Variants in ARHGEF9 observed in about 807,000 individuals in gnomAD.
The protein encoded by ARHGEF9 is rho guanine nucleotide exchange factor 9.
ARHGEF9 carries 2 observed loss-of-function variants against 41.3 expected under a neutral mutation model. The observed-to-expected ratio is 0.05, with a 90% CI of 0.02 to 0.15. ARHGEF9 has a LOEUF of 0.15. Ranked by LOEUF, ARHGEF9 falls within the 10% of genes least tolerant of loss-of-function variation. The pLI is 1.00. For synonymous variants in ARHGEF9, 160 were observed against 154.4 expected, an observed-to-expected ratio of 1.04 and a Z score of -0.27; for missense variants, 225 against 424.7, an observed-to-expected ratio of 0.53 and a Z score of 4.13.
At chrX:63,698,165 A>T (rs2051908629) in intron 3 of ARHGEF9, among the ~76,000 whole-genome samples, 2 of 107,094 alleles carry the variant, frequency 1.9e-5, no homozygotes, top group African/African-American at 6.7e-5. Flanking sequence ...TTTATAAATA[A>T]ATGTGTCCTA....
chrX:63,760,032 C>T (rs782207568), intron 1 of ARHGEF9, among the ~76,000 whole-genome samples: 1 of 111,120 alleles, frequency 9.0e-6, no homozygotes, highest in African/African-American at 3.3e-5. Context: ...TTCATCTGGG[C>T]CTCAGTGGCC....
At chrX:63,713,068 G>A (rs1602521589) in intron 2 of ARHGEF9, 2 of 111,642 alleles carry the variant, frequency 1.8e-5, no homozygotes, top group African/African-American at 6.5e-5. Flanking sequence ...CTCAAGGAGT[G>A]TCTTAGAAAG....
At chrX:63,693,042 G>C (rs1333118289) in intron 4 of ARHGEF9, among the ~76,000 whole-genome samples, 1 of 111,498 alleles carries the variant, frequency 9.0e-6, no homozygotes, top group Non-Finnish European at 1.9e-5. Flanking sequence ...TATAGTAGTA[G>C]TTACCAGAAG....
intron 1 of ARHGEF9, among the ~76,000 whole-genome samples, chrX:63,738,762 C>T (rs2054767636): frequency 9.0e-6 from 1 of 111,555 alleles, no homozygotes; most frequent in South Asian, 3.7e-4. Context: ...AAGAGAGACA[C>T]AAAAGCCCTT....
rs373866956 is a variant in ARHGEF9 at position 63,706,309 on chromosome X, C to T, written c.351G>A (p.Glu117=). The change falls in exon 3 of 10, where the codon GAG becomes GAA. Residue 117 remains glutamate (E), a synonymous_variant. Transcript: ENST00000671741. ...RDQMRANVIN[E]IMSTERHYIK... is the part of the protein sequence containing the mutation. Reference sequence around the variant, plus strand: ...TGTAGTGACGCTCAGTGCTCATTATCTCATTGATGACATTGGCCCGCATCT... The same window carrying T: ...TGTAGTGACGCTCAGTGCTCATTATTTCATTGATGACATTGGCCCGCATCT... 46 of 1,204,439 alleles carry T rather than the reference C, an allele frequency of 3.8e-5. No individual in the cohort carries two copies. The East Asian group carries it at 6.3e-4, about 16-fold the overall frequency.
At chrX:63,772,372 C>A (rs1556455421) in intron 1 of ARHGEF9, among the ~76,000 whole-genome samples, 1 of 111,919 alleles carries the variant, frequency 8.9e-6, no homozygotes. Flanking sequence ...TCTACAGGGC[C>A]TGCAAAAGTC....
At chrX:63,694,199 T>A (rs1393471008) in intron 4 of ARHGEF9, among the ~76,000 whole-genome samples, 3 of 108,323 alleles carry the variant, frequency 2.8e-5, no homozygotes, top group African/African-American at 6.7e-5. Flanking sequence ...AAAAAAAAAA[T>A]ACTGATAATA....
chrX:63,693,137 G>A (rs1556383523), intron 4 of ARHGEF9, among the ~76,000 whole-genome samples: 1 of 111,745 alleles, frequency 8.9e-6, no homozygotes, highest in East Asian at 2.8e-4. Flanking sequence ...ATAAGTTCTA[G>A]TGTTTGATAT....
chrX:63,650,436 A>G, intron 8 of ARHGEF9, among the ~76,000 whole-genome samples: 1 of 111,301 alleles, frequency 9.0e-6, no homozygotes, highest in African/African-American at 3.3e-5. Context: ...TCCCTCATAC[A>G]TGGGAGCTGA....
intron 1 of ARHGEF9, among the ~76,000 whole-genome samples, chrX:63,777,355 G>A (rs1374720532): frequency 9.0e-6 from 1 of 111,274 alleles, no homozygotes; most frequent in East Asian, 2.8e-4. Flanking sequence ...ACCTCCCCAG[G>A]TCCCTTCCAT....
Position 63,636,316 on chromosome X carries a change from AC to A in ARHGEF9, c.*1711del, listed in dbSNP as rs1450731198. ...GCAGAGTTCATCCTTATTCCCTTATACCCTTTTTGTTGTTCAAGGTCTATCC... is the reference window on the plus strand; with the variant it reads ...GCAGAGTTCATCCTTATTCCCTTATACCTTTTTGTTGTTCAAGGTCTATCC... On this transcript the variant is annotated 3_prime_UTR_variant, in exon 10 of 10. Coordinates refer to ENST00000671741, the MANE Select transcript of ARHGEF9 (RefSeq NM_001353921.2). 2 of 111,033 alleles carry A rather than the reference AC, an allele frequency of 1.8e-5. No homozygotes were observed. Among genetic ancestry groups the A allele is most frequent in the African/African-American group, 6.6e-5 (2 of 30,444 alleles). The allele number at this position is 111,033 out of a possible 1,213,427, so 9.2% of individuals were successfully genotyped here. A position where few individuals can be genotyped will look rare whatever the true frequency, so the allele number is the denominator to read the frequency against.
At chrX:63,645,686 C>T in intron 8 of ARHGEF9, among the ~76,000 whole-genome samples, 1 of 111,899 alleles carries the variant, frequency 8.9e-6, no homozygotes, top group East Asian at 2.8e-4. Context: ...CCGCAATAAA[C>T]ATACGTGTGC....
intron 1 of ARHGEF9, among the ~76,000 whole-genome samples, chrX:63,729,300 A>G (rs1478715614): frequency 9.0e-6 from 1 of 111,362 alleles, no homozygotes; most frequent in African/African-American, 3.3e-5. Context: ...AAAAAGTGCT[A>G]AGGCCAGAAG....
chrX:63,768,495 C>T (rs1556452883), intron 1 of ARHGEF9, among the ~76,000 whole-genome samples: 1 of 111,893 alleles, frequency 8.9e-6, no homozygotes, highest in African/African-American at 3.3e-5. Context: ...GGGCAGATAC[C>T]CAGTAGTGAG....
rs1556365224 is a variant in ARHGEF9, at chrX:63,678,429, G to A, written c.726C>T (p.Ile242=). The stretch of plus-strand genomic sequence containing the variant: ...GCACTGGAGTCAAAAGGAAACCATC[G>A]ATAGCAATGTCAATCATCTGCTGCA... The part of the protein sequence containing the change: ...RLLQQMIDIA[I]DGFLLTPVQK... Residue 242 remains isoleucine, a synonymous_variant, in exon 5 of 10, where the codon ATC becomes ATT. Coordinates refer to ENST00000671741, the MANE Select transcript of ARHGEF9 (RefSeq NM_001353921.2). The A allele has an allele frequency of 5.8e-6, 7 of 1,206,559 alleles. No homozygotes were observed. Among genetic ancestry groups the A allele is most frequent in the South Asian group, 1.8e-5 (1 of 55,850 alleles).
chrX:63,640,961 G>C (rs2047590168), intron 9 of ARHGEF9: 1 of 111,645 alleles, frequency 9.0e-6, no homozygotes. Flanking sequence ...GCACTCTTGA[G>C]TCTCAAAACA....
chrX:63,685,361 C>T lies in ARHGEF9; in HGVS notation c.583-6789G>A, dbSNP rs6625779. On this transcript the variant is annotated intron_variant, in intron 4 of 9. Transcript: ENST00000671741. Reference sequence around the variant, plus strand: ...AGTTAAATGTTCATGGATTTGAAGACTCATCATATCAATGTTCCCAAAACT... The same window carrying T: ...AGTTAAATGTTCATGGATTTGAAGATTCATCATATCAATGTTCCCAAAACT... Among the ~76,000 whole-genome samples the T allele has an allele frequency of 9.9e-5, 11 of 111,457 alleles. No homozygotes were observed. The East Asian group carries it at 3.1e-3, about 31-fold the overall frequency.
chrX:63,697,374 C>T (rs1786073339), intron 3 of ARHGEF9, 70 bp from the exon 4 acceptor site: 2 of 1,003,667 alleles, frequency 2.0e-6, no homozygotes, highest in African/African-American at 3.8e-5. Context: ...TTCCTAAGCA[C>T]TTAAGAGCCT....
At chrX:63,645,030 C>G in intron 8 of ARHGEF9, among the ~76,000 whole-genome samples, 1 of 109,994 alleles carries the variant, frequency 9.1e-6, no homozygotes, top group Non-Finnish European at 1.9e-5. Flanking sequence ...CCACCTCAGC[C>G]TCCCAAAATG....
Sources: allele counts gnomAD v4.1 joint callset (sites outside exome capture counted in the v4.1 genomes callset), GRCh38; gene constraint gnomAD v4.1.1; transcripts MANE v1.5; gene names NCBI Gene and HGNC (gene_info 2026-07-23, HGNC 2026-07-21).